ASIC2: variants seen among roughly 807,000 people sequenced by gnomAD.
ASIC2 encodes acid sensing ion channel subunit 2, also known as acid-sensing ion channel 2.
In ASIC2, 25 loss-of-function variants were observed where a neutral mutation model predicts 57.3. That is an observed-to-expected ratio of 0.44 (90% CI 0.32 to 0.61). ASIC2 has a LOEUF of 0.61. ASIC2 is among the 20% of genes least tolerant of loss of function. The pLI is 0.06. For synonymous variants in ASIC2, 319 were observed against 307.5 expected, an observed-to-expected ratio of 1.04 and a Z score of -0.39; for missense variants, 641 against 738.1, an observed-to-expected ratio of 0.87 and a Z score of 1.52.
chr17:33,927,166 C>T (rs745748796), intron 1 of ASIC2, among the ~76,000 whole-genome samples: 3 of 152,116 alleles, frequency 2.0e-5, no homozygotes, highest in Admixed American at 2.0e-4. Flanking sequence ...TGGCTTCAAG[C>T]GATCCTCCCA....
At chr17:34,078,158 G>A (rs1909741617) in intron 1 of ASIC2, among the ~76,000 whole-genome samples, 1 of 152,132 alleles carries the variant, frequency 6.6e-6, no homozygotes, top group Non-Finnish European at 1.5e-5. Flanking sequence ...GTATACCTAT[G>A]GCTCCTCCCT....
At chr17:33,315,269 G>A (rs559786451) in intron 1 of ASIC2, among the ~76,000 whole-genome samples, 1 of 152,152 alleles carries the variant, frequency 6.6e-6, no homozygotes, top group Non-Finnish European at 1.5e-5. Flanking sequence ...GAATAATGTT[G>A]CTCTCTGCAA....
At chr17:33,630,010 C>T (rs759514366) in intron 1 of ASIC2, among the ~76,000 whole-genome samples, 1 of 152,196 alleles carries the variant, frequency 6.6e-6, no homozygotes, top group Non-Finnish European at 1.5e-5. Flanking sequence ...ACATGTGACT[C>T]AGGTGCGGTT....
chr17:33,666,689 C>T (rs1321931854), intron 1 of ASIC2, among the ~76,000 whole-genome samples: 1 of 152,138 alleles, frequency 6.6e-6, no homozygotes. Context: ...ACCCCCTGCC[C>T]AGGACTGGAC....
intron 1 of ASIC2, among the ~76,000 whole-genome samples, chr17:33,733,993 C>T (rs1909830485): frequency 6.6e-6 from 1 of 152,210 alleles, no homozygotes; most frequent in Non-Finnish European, 1.5e-5. Flanking sequence ...CTACTTCACA[C>T]CCTTTCCCCT....
At chr17:33,387,049 G>A (rs1033116334) in intron 1 of ASIC2, among the ~76,000 whole-genome samples, 2 of 151,936 alleles carry the variant, frequency 1.3e-5, no homozygotes, top group Non-Finnish European at 2.9e-5. Flanking sequence ...CACCAAGCCC[G>A]GCTAATTTTT....
intron 1 of ASIC2, among the ~76,000 whole-genome samples, chr17:33,358,916 A>C (rs1908491170): frequency 6.6e-6 from 1 of 152,232 alleles, no homozygotes; most frequent in African/African-American, 2.4e-5. Flanking sequence ...AGGTATAGCT[A>C]GTCATCTACA....
At chr17:33,029,023 T>C (rs2091870235) in intron 3 of ASIC2, among the ~76,000 whole-genome samples, 1 of 152,230 alleles carries the variant, frequency 6.6e-6, no homozygotes, top group African/African-American at 2.4e-5. Context: ...TCATAAATGC[T>C]CTCATAGCAT....
intron 1 of ASIC2, among the ~76,000 whole-genome samples, chr17:33,218,901 C>A (rs1164096671): frequency 6.6e-6 from 1 of 152,180 alleles, no homozygotes; most frequent in Non-Finnish European, 1.5e-5. Context: ...GACTCAGGAT[C>A]TGCCACGCAT....
intron 2 of ASIC2, among the ~76,000 whole-genome samples, chr17:33,091,521 T>G: frequency 6.6e-6 from 1 of 151,966 alleles, no homozygotes; most frequent in Non-Finnish European, 1.5e-5. Context: ...AGAGAGGACC[T>G]GTGGTTTACA....
intron 1 of ASIC2, among the ~76,000 whole-genome samples, chr17:33,456,881 G>T (rs986632473): frequency 1.3e-5 from 2 of 152,178 alleles, no homozygotes; most frequent in Non-Finnish European, 2.9e-5. Context: ...GATAGTACGA[G>T]TACTCAACAA....
intron 1 of ASIC2, among the ~76,000 whole-genome samples, chr17:33,165,338 C>T (rs1905275031): frequency 6.6e-6 from 1 of 152,146 alleles, no homozygotes; most frequent in Non-Finnish European, 1.5e-5. Flanking sequence ...GAGACTCTGA[C>T]TTGGTATAGT....
chr17:33,300,204 T>A (rs1905898462), intron 1 of ASIC2, among the ~76,000 whole-genome samples: 1 of 152,202 alleles, frequency 6.6e-6, no homozygotes, highest in African/African-American at 2.4e-5. Context: ...ACTTTATGAA[T>A]ATACATAAGT....
chr17:34,099,099 GAA>G lies in ASIC2; in HGVS notation c.555+56877_555+56878del, dbSNP rs1567820394. 6.1e-3 allele frequency among the ~76,000 whole-genome samples: 637 copies of G among 105,156 alleles called. 8 individuals are homozygous for G. Among genetic ancestry groups the G allele is most frequent in the African/African-American group, 0.031 (604 of 19,276 alleles). 69.0% of individuals were successfully genotyped at this position (105,156 alleles called of 152,430 possible). A position where few individuals can be genotyped will look rare whatever the true frequency, so the allele number is the denominator to read the frequency against. ...AAAGAGCAGCAGCTACATTAAGAGA[GAA>G]AAGAGAGAGAGAGAGAGAGAGAGAG... On this transcript the variant is annotated intron_variant, in intron 1 of 9. Coordinates refer to the ASIC2 transcript ENST00000359872.
At chr17:33,102,021 C>T (rs1269610948) in intron 2 of ASIC2, among the ~76,000 whole-genome samples, 1 of 152,122 alleles carries the variant, frequency 6.6e-6, no homozygotes, top group East Asian at 1.9e-4. Context: ...CAACATCTTC[C>T]TGCTCCAGTT....
intron 1 of ASIC2, among the ~76,000 whole-genome samples, chr17:33,193,734 G>A (rs1906519982): frequency 6.6e-6 from 1 of 152,184 alleles, no homozygotes; most frequent in Non-Finnish European, 1.5e-5. Context: ...GGGCTGGAGA[G>A]GAGGCTCTGC....
At chr17:33,773,104 T>G (rs1444594652) in intron 1 of ASIC2, among the ~76,000 whole-genome samples, 7 of 152,192 alleles carry the variant, frequency 4.6e-5, no homozygotes, top group Non-Finnish European at 7.3e-5. Context: ...TCCTGACACA[T>G]TATACCAGAT....
intron 1 of ASIC2, among the ~76,000 whole-genome samples, chr17:34,099,973 C>T (rs1910800374): frequency 6.6e-6 from 1 of 152,056 alleles, no homozygotes; most frequent in African/African-American, 2.4e-5. Context: ...AAAGGGAATT[C>T]CCATGATATT....
At chr17:33,687,098 G>A (rs10512451) in intron 1 of ASIC2, among the ~76,000 whole-genome samples, 74,735 of 151,966 alleles carry the variant, frequency 0.49, 18,733 homozygotes, top group African/African-American at 0.57. Flanking sequence ...GTTTTTTCAT[G>A]TACAGCAAGG....
Sources: allele counts gnomAD v4.1 joint callset (sites outside exome capture counted in the v4.1 genomes callset), GRCh38; gene constraint gnomAD v4.1.1; transcripts MANE v1.5; gene names NCBI Gene and HGNC (gene_info 2026-07-23, HGNC 2026-07-21).